The following DAZL variants were observed in gnomAD, a reference collection of about 807,000 sequenced individuals.
DAZL encodes the protein deleted in azoospermia like.
Under a neutral mutation model 45.0 loss-of-function variants are expected in DAZL, and 4 were observed. That is an observed-to-expected ratio of 0.09 (90% CI 0.04 to 0.20). The LOEUF (loss-of-function observed/expected upper bound fraction) is 0.20, where lower values mean the gene tolerates loss of function less well. DAZL is among the 10% of genes least tolerant of loss of function. The pLI, the probability that DAZL is intolerant of heterozygous loss-of-function variation, is 1.00. For missense variants in DAZL, 326 were observed against 351.3 expected, an observed-to-expected ratio of 0.93 and a Z score of 0.58; for synonymous variants, 122 against 112.4, an observed-to-expected ratio of 1.09 and a Z score of -0.54.
intron 10 of DAZL, among the ~76,000 whole-genome samples, chr3:16,589,460 C>A (rs1468327586): frequency 1.3e-5 from 2 of 152,034 alleles, no homozygotes; most frequent in Non-Finnish European, 2.9e-5. Context: ...AGAGTGATAT[C>A]CTATTTAAGT....
intron 1 of DAZL, among the ~76,000 whole-genome samples, chr3:16,603,887 T>A (rs918184737): frequency 2.0e-5 from 3 of 152,130 alleles, no homozygotes; most frequent in African/African-American, 7.2e-5. Context: ...GTACCAAAAT[T>A]TAACGGTTAT....
intron 7 of DAZL, among the ~76,000 whole-genome samples, chr3:16,595,078 C>T (rs2303589): frequency 0.58 from 87,366 of 151,904 alleles, 25,529 homozygotes; most frequent in African/African-American, 0.65. Flanking sequence ...CAGAAGGGGA[C>T]ACCGAATCTC....
At position 16,605,264 on chromosome 3, in the gene DAZL, G is replaced by C. The variant is rs373749089; in HGVS notation, c.-59C>G. On this transcript the variant is annotated 5_prime_UTR_variant, in exon 1 of 11. Transcript: ENST00000399444. ...AGGAGGAGCAGAGGCTGTGCTTGGC[G>C]CACCACTTCTGGGGCTGCTGTGAGG... 6.1e-5 allele frequency: 99 copies of C among 1,609,892 alleles called. No individual in the cohort carries two copies. In the East Asian group the frequency reaches 1.0e-3, roughly 16 times the overall value.
Position 16,596,818 on chromosome 3 carries a change from T to A in DAZL, c.430A>T (p.Thr144Ser), listed in dbSNP as rs1483322693. ...PPPPQFQNVW[T>S]NPNTETYMQP... ...ATATAAGTTTCAGTGTTTGGATTAG[T>A]CCAGACATTCTGAAACTGTGGTGGA... Residue 144 changes from threonine (T) to serine (S), a missense_variant, in exon 6 of 11, where the codon ACT (threonine) becomes TCT (serine). Transcript: ENST00000399444. 1 of 1,613,594 alleles carries A rather than the reference T, an allele frequency of 6.2e-7. No individual in the cohort carries two copies. The highest frequency in any genetic ancestry group is 8.5e-7 in the Non-Finnish European group (1 of 1,179,676).
chr3:16,603,769 G>T (rs1006761786), intron 1 of DAZL, among the ~76,000 whole-genome samples: 2 of 152,144 alleles, frequency 1.3e-5, no homozygotes, highest in East Asian at 3.8e-4. Context: ...CACATCAATT[G>T]AAAGATGCAA....
intron 6 of DAZL, among the ~76,000 whole-genome samples, chr3:16,596,096 G>A (rs567827823): frequency 4.6e-5 from 7 of 151,994 alleles, no homozygotes; most frequent in South Asian, 4.1e-4. Flanking sequence ...ATGAATGAAA[G>A]ACACTGAAGA....
intron 7 of DAZL, 126 bp from the exon 8 acceptor site, chr3:16,594,709 A>G (rs1356505258): frequency 1.7e-6 from 1 of 578,944 alleles, no homozygotes; most frequent in African/African-American, 1.9e-5. Context: ...TAAAAGAAAC[A>G]GAATGAAAAA....
rs556122008 is a variant in DAZL, at chr3:16,604,812, G to T, written c.3+391C>A. 4.7e-5 allele frequency: 55 copies of T among 1,181,354 alleles called. No homozygotes were observed. The African/African-American group carries it at 7.9e-4, about 17-fold the overall frequency. 73.2% of individuals were successfully genotyped at this position (1,181,354 alleles called of 1,614,324 possible). ...GAGTGGGGGAGGGGCGGAGGCGCGT[G>T]AGTGGGGGAGCGCGTGGGAGTGGGG... On this transcript the variant is annotated intron_variant, in intron 1 of 10. Transcript: ENST00000399444.
intron 10 of DAZL, among the ~76,000 whole-genome samples, chr3:16,589,813 A>G (rs559328717): frequency 6.6e-6 from 1 of 152,194 alleles, no homozygotes; most frequent in South Asian, 2.1e-4. Context: ...CTGTAATCCC[A>G]GCACTTTGGG....
chr3:16,588,461 T>C lies in DAZL; in HGVS notation c.*199A>G, dbSNP rs1694471496. On this transcript the variant is annotated 3_prime_UTR_variant, in exon 11 of 11. Transcript: ENST00000399444. ...TCAATTATTTTTTTACTTTCAACTA[T>C]ATTTCAACACAGAACCAGTTTCTAA... 2.2e-6 allele frequency: 1 copy of C among 444,548 alleles called. No homozygotes were observed. The allele number at this position is 444,548 out of a possible 1,614,324, so 27.5% of individuals were successfully genotyped here.
At chr3:16,590,735 T>C (rs1357545364) in intron 10 of DAZL, among the ~76,000 whole-genome samples, 1 of 152,188 alleles carries the variant, frequency 6.6e-6, no homozygotes, top group African/African-American at 2.4e-5. Flanking sequence ...TTGAAAATAT[T>C]ATGCTGACTG....
chr3:16,601,832 T>G (rs1694694229), intron 1 of DAZL, among the ~76,000 whole-genome samples: 1 of 152,332 alleles, frequency 6.6e-6, no homozygotes, highest in South Asian at 2.1e-4. Flanking sequence ...CCTTGTTATA[T>G]TTGGACAACC....
At position 16,592,137 on chromosome 3, in the gene DAZL, G is replaced by C; in HGVS notation, c.747C>G (p.Asp249Glu). The C allele has an allele frequency of 6.2e-7, 1 of 1,613,162 alleles. No homozygotes were observed. Among genetic ancestry groups the C allele is most frequent in the East Asian group, 2.2e-5 (1 of 44,840 alleles). ...AAGATACCACCGTTTGTATGCTTCG[G>C]TCCACAGATTTCTGAAACACAGAAG... ...SGNGPQKKSV[D>E]RSIQTVVSCL... Residue 249 changes from aspartate (D) to glutamate (E), a missense_variant, in exon 10 of 11, where the codon GAC becomes GAG. This residue lies in a region of DAZL where 227 missense variants were observed against 216.6 expected (regional missense o/e 1.05). Coordinates refer to ENST00000399444, the MANE Select transcript of DAZL (RefSeq NM_001351.4).
intron 1 of DAZL, chr3:16,604,687 G>T (rs2162616): frequency 0.29 from 397,672 of 1,348,072 alleles, 59,627 homozygotes; most frequent in Non-Finnish European, 0.3. Flanking sequence ...TCCGGCCCTC[G>T]AAGTTTAAGA....
intron 9 of DAZL, 38 bp downstream of exon 9, chr3:16,593,617 T>A (rs1330949387): frequency 5.5e-6 from 7 of 1,273,804 alleles, no homozygotes; most frequent in Non-Finnish European, 7.7e-6. Context: ...CTAGAAAAAA[T>A]AAATATGAAA....
rs949583964 is a variant in DAZL, at chr3:16,588,522, TAG to T, written c.*136_*137del. ...AATGAAGAACAGTTTAAGATAAAAC[TAG>T]AGAGTCTAATAATACAACTTATACA... On this transcript the variant is annotated 3_prime_UTR_variant, in exon 11 of 11. Coordinates refer to ENST00000399444, the MANE Select transcript of DAZL (RefSeq NM_001351.4). 17 of 729,958 alleles carry T rather than the reference TAG, an allele frequency of 2.3e-5. No individual in the cohort carries two copies. Among genetic ancestry groups the T allele is most frequent in the East Asian group, 1.0e-4 (4 of 38,380 alleles). The allele number at this position is 729,958 out of a possible 1,614,324, so 45.2% of individuals were successfully genotyped here.
At chr3:16,604,645 G>A in intron 1 of DAZL, 1 of 1,334,818 alleles carries the variant, frequency 7.5e-7, no homozygotes, top group Non-Finnish European at 9.6e-7. Context: ...ACCAAGTACA[G>A]GGACCAGGAG....
chr3:16,601,853 G>A (rs1418787692), intron 1 of DAZL, among the ~76,000 whole-genome samples: 1 of 152,146 alleles, frequency 6.6e-6, no homozygotes, highest in Non-Finnish European at 1.5e-5. Context: ...AAGTGACAAA[G>A]ACAGCTAAAA....
chr3:16,592,095 C>T lies in DAZL; in HGVS notation c.789G>A (p.Glu263=). ...QTVVSCLFNP[E]NRLRNSVVTQ... ...TAACAACAGAGTTTCTCAGTCTGTTCTCTGGATTAAACAGACAAGATACCA... is the reference window on the plus strand; with the variant it reads ...TAACAACAGAGTTTCTCAGTCTGTTTTCTGGATTAAACAGACAAGATACCA... The change falls in exon 10 of 11, where the codon GAG becomes GAA. Residue 263 remains glutamate, a synonymous_variant. Transcript: ENST00000399444. 6.2e-7 allele frequency: 1 copy of T among 1,613,846 alleles called. No individual in the cohort carries two copies. The highest frequency in any genetic ancestry group is 8.5e-7 in the Non-Finnish European group (1 of 1,179,856).
Sources: allele counts gnomAD v4.1 joint callset (sites outside exome capture counted in the v4.1 genomes callset), GRCh38; gene constraint gnomAD v4.1.1; regional missense constraint gnomAD v4.1.1; transcripts MANE v1.5; gene names NCBI Gene and HGNC (gene_info 2026-07-23, HGNC 2026-07-21).